Variants in MORN1 observed in about 807,000 individuals in gnomAD.
MORN1 encodes the protein MORN repeat containing 1.
Under a neutral mutation model 61.9 loss-of-function variants are expected in MORN1, and 67 were observed. The observed-to-expected ratio is 1.08, with a 90% CI of 0.89 to 1.33. The LOEUF (loss-of-function observed/expected upper bound fraction) is 1.33, where lower values mean the gene tolerates loss of function less well. Among genes scored for constraint, MORN1 ranks in the 40% most tolerant of loss-of-function variants. MORN1 has a pLI of 0.00. For missense variants in MORN1, 752 were observed against 691.2 expected, an observed-to-expected ratio of 1.09 and a Z score of -0.99; for synonymous variants, 301 against 292.0, an observed-to-expected ratio of 1.03 and a Z score of -0.31.
At chr1:2,386,061 TAC>T (rs1241731987) in intron 4 of MORN1, 164 bp from the exon 5 acceptor site, 2 of 630,146 alleles carry the variant, frequency 3.2e-6, no homozygotes, top group Non-Finnish European at 5.7e-6. Flanking sequence ...CAGACCTGGC[TAC>T]ACAGAGGCCT....
At chr1:2,383,858 C>A (rs1642426648) in intron 6 of MORN1, among the ~76,000 whole-genome samples, 1 of 152,188 alleles carries the variant, frequency 6.6e-6, no homozygotes, top group Non-Finnish European at 1.5e-5. Flanking sequence ...AACCGTGAAG[C>A]ACCCCCACAC....
At position 2,337,759 on chromosome 1, in the gene MORN1, C is replaced by T. The variant is rs1641310825; in HGVS notation, c.1037-909G>A. The stretch of plus-strand genomic sequence containing the variant: ...CTGGGAGGAGGTGCTAGCAGGAGGC[C>T]ACGGGATGTGGTGAGGGCTGGAGGT... On this transcript the variant is annotated intron_variant, in intron 10 of 13. Transcript: ENST00000378531. This position sits in a 1 kb window ranked among gnomAD's most constrained non-coding sequence, Gnocchi z 5.7. 6.6e-6 allele frequency among the ~76,000 whole-genome samples: 1 copy of T among 152,150 alleles called. No individual in the cohort carries two copies. The highest frequency in any genetic ancestry group is 1.5e-5 in the Non-Finnish European group (1 of 68,020).
chr1:2,351,764 C>T (rs1641653410), intron 10 of MORN1: 1 of 559,144 alleles, frequency 1.8e-6, no homozygotes, highest in Non-Finnish European at 3.5e-6. Context: ...TGTCAAAAGC[C>T]TTGAAGGTGC....
At chr1:2,341,132 T>A (rs1193985017) in intron 10 of MORN1, among the ~76,000 whole-genome samples, 2 of 152,192 alleles carry the variant, frequency 1.3e-5, no homozygotes, top group Non-Finnish European at 2.9e-5. Context: ...ACGGAGCCTC[T>A]CCCAGCCCTG....
chr1:2,340,984 G>T (rs377556775), intron 10 of MORN1, among the ~76,000 whole-genome samples: 1 of 152,222 alleles, frequency 6.6e-6, no homozygotes, highest in Non-Finnish European at 1.5e-5. Context: ...ACCACGACGC[G>T]GGCTGTCCTA....
chr1:2,321,515 CG>C lies in MORN1; in HGVS notation c.1361del (p.Pro454ArgfsTer9), dbSNP rs1640880435. Reference protein sequence around the residue: ...TPPFLGRRLPPAFKHLRVVAK... With the variant: ...TPPFLGRRLPXAFKHLRVVAK... Reference sequence around the variant, plus strand: ...CTACGACCCGCAGGTGTTTGAAGGCCGGGGGCAGCCTGCGCCCCAGGAACGG... The same window carrying C: ...CTACGACCCGCAGGTGTTTGAAGGCCGGGGCAGCCTGCGCCCCAGGAACGG... On this transcript the variant is annotated frameshift_variant, in exon 14 of 14. Transcript: ENST00000378531. LOFTEE classifies it low-confidence loss of function (END_TRUNC). 9 of 1,533,372 alleles carry C rather than the reference CG, an allele frequency of 5.9e-6. No homozygotes were observed. The highest frequency in any genetic ancestry group is 4.9e-5 in the East Asian group (2 of 41,224). 95.0% of individuals were successfully genotyped at this position (1,533,372 alleles called of 1,614,324 possible). A position where few individuals can be genotyped will look rare whatever the true frequency, so the allele number is the denominator to read the frequency against.
intron 12 of MORN1, among the ~76,000 whole-genome samples, chr1:2,328,353 C>T (rs953978653): frequency 8.5e-5 from 13 of 152,214 alleles, no homozygotes; most frequent in Admixed American, 8.5e-4. Flanking sequence ...CCCACTGGTG[C>T]AGTAAGGGCC....
chr1:2,389,886 G>A (rs1345147527), intron 2 of MORN1, 39 bp downstream of exon 2: 2 of 1,588,996 alleles, frequency 1.3e-6, no homozygotes, highest in Admixed American at 3.3e-5. Flanking sequence ...GTCAGCTGTG[G>A]GGCAGCAGCT....
chr1:2,355,078 G>A (rs995688430), intron 10 of MORN1: 8 of 866,740 alleles, frequency 9.2e-6, no homozygotes, highest in Admixed American at 1.2e-4. Flanking sequence ...TGGGGCCGGC[G>A]CGGGGGGCCC....
At chr1:2,338,034 C>T (rs1641315656) in intron 10 of MORN1, among the ~76,000 whole-genome samples, 1 of 152,064 alleles carries the variant, frequency 6.6e-6, no homozygotes, top group Non-Finnish European at 1.5e-5. Flanking sequence ...AGGCCAGAGC[C>T]CAGGAGGCGG....
chr1:2,388,709 T>C (rs899138479), intron 2 of MORN1, among the ~76,000 whole-genome samples: 1 of 143,110 alleles, frequency 7.0e-6, no homozygotes, highest in East Asian at 2.1e-4. Context: ...AGTCAGGAGG[T>C]TGAGGCTGCA....
intron 10 of MORN1, among the ~76,000 whole-genome samples, chr1:2,354,636 C>T (rs1331980720): frequency 6.6e-6 from 1 of 152,036 alleles, no homozygotes; most frequent in Non-Finnish European, 1.5e-5. Flanking sequence ...TGCACCAGAC[C>T]CCAGGCCACG....
chr1:2,325,179 T>TTCCC (rs1422798387), intron 12 of MORN1, among the ~76,000 whole-genome samples: 3 of 96,286 alleles, frequency 3.1e-5, no homozygotes, highest in African/African-American at 1.4e-4. Context: ...CTTTCCTTCC[T>TTCCC]TCCCTTCCTT....
intron 12 of MORN1, among the ~76,000 whole-genome samples, chr1:2,327,155 G>A (rs202146943): frequency 2.2e-5 from 2 of 90,510 alleles, no homozygotes; most frequent in African/African-American, 1.1e-4. Flanking sequence ...CACAGAAACA[G>A]AAACACACAG....
intron 7 of MORN1, among the ~76,000 whole-genome samples, chr1:2,374,145 G>A (rs1642183232): frequency 6.6e-6 from 1 of 152,202 alleles, no homozygotes; most frequent in Non-Finnish European, 1.5e-5. Flanking sequence ...GTGAGCCGAG[G>A]CCACCCTGTG....
intron 12 of MORN1, among the ~76,000 whole-genome samples, chr1:2,328,120 C>T (rs1302430711): frequency 6.6e-6 from 1 of 152,284 alleles, no homozygotes; most frequent in African/African-American, 2.4e-5. Flanking sequence ...CCCACCCCTT[C>T]GGGCCTAGGC....
At chr1:2,382,494 G>A (rs1341367306) in intron 6 of MORN1, among the ~76,000 whole-genome samples, 1 of 152,218 alleles carries the variant, frequency 6.6e-6, no homozygotes, top group Non-Finnish European at 1.5e-5. Context: ...GCCGGCCCCA[G>A]CTTTGCCCTA....
intron 10 of MORN1, among the ~76,000 whole-genome samples, chr1:2,353,204 C>T (rs1427896846): frequency 6.6e-6 from 1 of 152,250 alleles, no homozygotes; most frequent in Non-Finnish European, 1.5e-5. Context: ...ACTTCGGTTT[C>T]GTTTTTTTGA....
At chr1:2,381,017 G>A (rs747298213) in intron 6 of MORN1, among the ~76,000 whole-genome samples, 2 of 152,246 alleles carry the variant, frequency 1.3e-5, no homozygotes, top group Non-Finnish European at 2.9e-5. Flanking sequence ...GGTTGAAGGT[G>A]GAGGAGAGGC....
Sources: gnomAD v4.1 joint callset for allele counts (sites outside exome capture counted in the v4.1 genomes callset) on GRCh38, gnomAD v4.1.1 for gene constraint, Gnocchi (gnomAD v3.1) non-coding constraint, MANE v1.5 for transcripts, NCBI Gene and HGNC (gene_info 2026-07-23, HGNC 2026-07-21) for gene names.